The following STK33 variants were observed in gnomAD, a reference collection of about 807,000 sequenced individuals.
STK33 encodes the protein serine/threonine kinase 33.
A neutral mutation model predicts 58.0 loss-of-function variants in STK33; 52 were observed. The observed-to-expected ratio is 0.90, with a 90% confidence interval of 0.72 to 1.13. The LOEUF is 1.13. Ranked by LOEUF, STK33 falls within the 50% of genes most tolerant of loss-of-function variation. The pLI is 0.00. For missense variants in STK33, 630 were observed against 604.2 expected, an observed-to-expected ratio of 1.04 and a Z score of -0.45; for synonymous variants, 215 against 200.1, an observed-to-expected ratio of 1.07 and a Z score of -0.63.
intron 14 of STK33, among the ~76,000 whole-genome samples, chr11:8,428,731 T>C (rs1006647582): frequency 1.8e-4 from 28 of 152,146 alleles, no homozygotes; most frequent in Admixed American, 2.6e-4. Context: ...ATTCTAACAA[T>C]AGAAATATTC....
chr11:8,395,266 C>T (rs1046560592), intron 15 of STK33, among the ~76,000 whole-genome samples: 1 of 152,162 alleles, frequency 6.6e-6, no homozygotes, highest in African/African-American at 2.4e-5. Flanking sequence ...GCAGGTTTTT[C>T]CTGTGCTGTT....
At position 8,464,825 on chromosome 11, in the gene STK33, G is replaced by GGA. The variant is rs1565087819; in HGVS notation, c.340-5_340-4dup. On this transcript the variant is annotated splice_region_variant and splice_polypyrimidine_tract_variant and intron_variant, in intron 6 of 15. Transcript: ENST00000687296. ...ATTCTTCCAAAGGTATAGATTTCCTGGAGAAAAAAAAAAAAAGAGTTGTCT... is the reference window on the plus strand; with the variant it reads ...ATTCTTCCAAAGGTATAGATTTCCTGGAGAGAAAAAAAAAAAAAGAGTTGTCT... The GGA allele has an allele frequency of 6.5e-7, 1 of 1,541,036 alleles. No homozygotes were observed. Among genetic ancestry groups the GGA allele is most frequent in the Admixed American group, 1.9e-5 (1 of 52,936 alleles).
chr11:8,442,927 T>G (rs1417686122), intron 11 of STK33, among the ~76,000 whole-genome samples: 1 of 152,166 alleles, frequency 6.6e-6, no homozygotes, highest in African/African-American at 2.4e-5. Flanking sequence ...TGAGCTGTGG[T>G]GATAGAAATC....
intron 15 of STK33, among the ~76,000 whole-genome samples, chr11:8,402,749 C>A (rs951848598): frequency 1.3e-5 from 2 of 152,194 alleles, no homozygotes; most frequent in Non-Finnish European, 1.5e-5. Context: ...TCACAAAGAG[C>A]CAAGCCTCTT....
At chr11:8,421,214 A>G (rs558870552) in intron 14 of STK33, among the ~76,000 whole-genome samples, 4 of 152,260 alleles carry the variant, frequency 2.6e-5, no homozygotes, top group African/African-American at 9.6e-5. Context: ...CCTTTCCTAC[A>G]CACCCCAAGA....
At chr11:8,474,403 C>A (rs979933226) in intron 5 of STK33, among the ~76,000 whole-genome samples, 1 of 151,972 alleles carries the variant, frequency 6.6e-6, no homozygotes, top group Non-Finnish European at 1.5e-5. Flanking sequence ...AACTTGAAAA[C>A]CAATTCATTT....
intron 14 of STK33, among the ~76,000 whole-genome samples, chr11:8,414,738 A>C (rs187106030): frequency 6.6e-6 from 1 of 152,240 alleles, no homozygotes; most frequent in African/African-American, 2.4e-5. Context: ...TTGTTTTAAG[A>C]AGCTCAGTAC....
the STK33 span, among the ~76,000 whole-genome samples, chr11:8,368,950 T>A: frequency 3.4e-4 from 52 of 152,218 alleles, no homozygotes; most frequent in Non-Finnish European, 3.5e-4. Context: ...ATTACACAGC[T>A]GTTACCACCG....
chr11:8,428,443 A>G (rs1943034398), intron 14 of STK33, among the ~76,000 whole-genome samples: 1 of 152,156 alleles, frequency 6.6e-6, no homozygotes, highest in South Asian at 2.1e-4. Flanking sequence ...TTATTTTCCC[A>G]GGGATTTCTC....
chr11:8,392,443 C>T lies in STK33; in HGVS notation c.*67G>A, dbSNP rs1848694188. 3 of 1,582,654 alleles carry T rather than the reference C, an allele frequency of 1.9e-6. No individual in the cohort carries two copies. Among genetic ancestry groups the T allele is most frequent in the Non-Finnish European group, 1.7e-6 (2 of 1,155,342 alleles). On this transcript the variant is annotated 3_prime_UTR_variant, in exon 16 of 16. Coordinates refer to ENST00000687296, the MANE Select transcript of STK33 (RefSeq NM_001352389.2). The stretch of plus-strand genomic sequence containing the variant: ...AGCATAGGGCTGTCTTCTTCCCCTC[C>T]TACCCCCTCATCAAAGTGCTAACAA...
chr11:8,482,783 G>A lies in STK33; in HGVS notation c.-465-2169C>T, dbSNP rs373642040. Among the ~76,000 whole-genome samples the A allele has an allele frequency of 3.2e-3, 480 of 151,908 alleles. 4 individuals carry two copies. The highest frequency in any genetic ancestry group is 0.011 in the African/African-American group (456 of 41,450). On this transcript the variant is annotated intron_variant, in intron 1 of 15. Coordinates refer to ENST00000687296, the MANE Select transcript of STK33 (RefSeq NM_001352389.2). ...CTCGATCTGTCACCCAGGCTGGAGT[G>A]CAGTGGCGTGATCTCGGCTCACTGC...
chr11:8,485,854 T>C (rs1398308293), intron 1 of STK33, among the ~76,000 whole-genome samples: 3 of 152,212 alleles, frequency 2.0e-5, no homozygotes, highest in Admixed American at 6.5e-5. Flanking sequence ...CTTGAAAACA[T>C]ATAATAGCTT....
At chr11:8,351,698 G>A in the STK33 span, among the ~76,000 whole-genome samples, 5 of 152,370 alleles carry the variant, frequency 3.3e-5, no homozygotes, top group African/African-American at 9.6e-5. Context: ...GCGTCGTCCG[G>A]AGGTGGACAG....
intron 1 of STK33, among the ~76,000 whole-genome samples, chr11:8,523,360 C>A: frequency 6.7e-6 from 1 of 150,098 alleles, no homozygotes; most frequent in Non-Finnish European, 1.5e-5. Flanking sequence ...CGTCTCTGCC[C>A]GGCCGCCCAT....
the STK33 span, among the ~76,000 whole-genome samples, chr11:8,376,395 G>A: frequency 6.6e-6 from 1 of 152,172 alleles, no homozygotes; most frequent in Non-Finnish European, 1.5e-5. Flanking sequence ...ATTAGCCAAA[G>A]CCAGGAGAAG....
At chr11:8,367,508 G>A in the STK33 span, among the ~76,000 whole-genome samples, 1 of 152,192 alleles carries the variant, frequency 6.6e-6, no homozygotes, top group Non-Finnish European at 1.5e-5. Context: ...CCTGCACTGT[G>A]ACATGGACCT....
chr11:8,378,016 T>TG, the STK33 span, among the ~76,000 whole-genome samples: 2 of 152,242 alleles, frequency 1.3e-5, no homozygotes, highest in East Asian at 1.9e-4. Flanking sequence ...ATCATGAAAA[T>TG]GACCATACTG....
At chr11:8,500,445 T>G (rs1951429466) in intron 1 of STK33, among the ~76,000 whole-genome samples, 1 of 151,954 alleles carries the variant, frequency 6.6e-6, no homozygotes. Flanking sequence ...ATGAACAATC[T>G]GAAAATGAAA....
At chr11:8,591,823 C>T (rs966662546) in intron 1 of STK33, among the ~76,000 whole-genome samples, 2 of 144,976 alleles carry the variant, frequency 1.4e-5, no homozygotes, top group African/African-American at 5.1e-5. Flanking sequence ...CATCACACAC[C>T]AGGGACTGTT....
Sources: gnomAD v4.1 joint callset for allele counts (sites outside exome capture counted in the v4.1 genomes callset) on GRCh38, gnomAD v4.1.1 for gene constraint, MANE v1.5 for transcripts, NCBI Gene and HGNC (gene_info 2026-07-23, HGNC 2026-07-21) for gene names.